Variants in SFXN1 observed in about 807,000 individuals in gnomAD.
SFXN1 encodes sideroflexin 1.
Under a neutral mutation model 39.5 loss-of-function variants are expected in SFXN1, and 32 were observed. The ratio of observed to expected loss-of-function variants is 0.81; its 90% CI spans 0.61 to 1.09. The LOEUF (loss-of-function observed/expected upper bound fraction) is 1.09, where lower values mean the gene tolerates loss of function less well. SFXN1 is among the 50% of genes least tolerant of loss of function. The pLI is 0.00. For synonymous variants in SFXN1, 136 were observed against 146.5 expected (o/e 0.93, Z 0.52); for missense variants, 402 against 407.1 (o/e 0.99, Z 0.11).
At position 175,492,276 on chromosome 5, in the gene SFXN1, A is replaced by C. The variant is rs1236199151; in HGVS notation, c.164+9A>C. ...ATAGTACATGATTACAGGTAACATTAATTATTGTTTTTTGGTTTAATGTAT... is the reference window on the plus strand; with the variant it reads ...ATAGTACATGATTACAGGTAACATTCATTATTGTTTTTTGGTTTAATGTAT... On this transcript the variant is annotated intron_variant, in intron 2 of 10. Coordinates refer to ENST00000321442, the MANE Select transcript of SFXN1 (RefSeq NM_022754.7). 6.3e-7 allele frequency: 1 copy of C among 1,599,222 alleles called. No individual in the cohort carries two copies. Among genetic ancestry groups the C allele is most frequent in the South Asian group, 1.1e-5 (1 of 89,194 alleles).
chr5:175,493,895 T>C (rs374716957), intron 2 of SFXN1, among the ~76,000 whole-genome samples: 5 of 152,338 alleles, frequency 3.3e-5, no homozygotes, highest in South Asian at 4.1e-4. Context: ...ATATTCTTGT[T>C]TGTTTTTACA....
intron 2 of SFXN1, among the ~76,000 whole-genome samples, chr5:175,507,479 A>G (rs6882734): frequency 0.14 from 21,337 of 152,204 alleles, 1,614 homozygotes; most frequent in African/African-American, 0.19. Flanking sequence ...CTTTAAGTAA[A>G]CACATCACAT....
intron 8 of SFXN1, among the ~76,000 whole-genome samples, chr5:175,519,794 T>C (rs1271591098): frequency 1.3e-5 from 2 of 151,772 alleles, no homozygotes; most frequent in African/African-American, 4.8e-5. Flanking sequence ...GGCAGTTGTA[T>C]GTCAATAAAG....
At chr5:175,521,234 C>T (rs1468841476) in intron 8 of SFXN1, among the ~76,000 whole-genome samples, 1 of 128,950 alleles carries the variant, frequency 7.8e-6, no homozygotes, top group Non-Finnish European at 1.6e-5. Flanking sequence ...AGAAGACCAA[C>T]CAACTTGTTC....
At chr5:175,511,070 T>C (rs1313657550) in intron 4 of SFXN1, among the ~76,000 whole-genome samples, 1 of 152,220 alleles carries the variant, frequency 6.6e-6, no homozygotes, top group Non-Finnish European at 1.5e-5. Flanking sequence ...TTGAGAAATA[T>C]TTTTAAGCAA....
chr5:175,493,785 A>G (rs1472644252), intron 2 of SFXN1, among the ~76,000 whole-genome samples: 1 of 152,252 alleles, frequency 6.6e-6, no homozygotes, highest in Non-Finnish European at 1.5e-5. Context: ...AATGAACCTG[A>G]GAAGCTTGCC....
At chr5:175,496,280 AG>A (rs1380504761) in intron 2 of SFXN1, among the ~76,000 whole-genome samples, 1 of 151,868 alleles carries the variant, frequency 6.6e-6, no homozygotes, top group Non-Finnish European at 1.5e-5. Flanking sequence ...AGGCTGAGGC[AG>A]GAGAATCACT....
chr5:175,509,282 T>C, intron 3 of SFXN1, 80 bp downstream of exon 3: 1 of 1,402,352 alleles, frequency 7.1e-7, no homozygotes. Flanking sequence ...ATAATTTTGT[T>C]GAAATAAGTA....
At chr5:175,525,602 A>G (rs1761035409) in intron 10 of SFXN1, among the ~76,000 whole-genome samples, 1 of 152,006 alleles carries the variant, frequency 6.6e-6, no homozygotes, top group Admixed American at 6.6e-5. Flanking sequence ...TGTCAACTAT[A>G]TTAATCAATT....
intron 1 of SFXN1, among the ~76,000 whole-genome samples, chr5:175,481,355 T>A (rs985789068): frequency 6.6e-6 from 1 of 152,234 alleles, no homozygotes; most frequent in African/African-American, 2.4e-5. Context: ...GGAGTCTCGC[T>A]CTGTTGCCCA....
At chr5:175,522,346 G>T (rs1198142033) in intron 9 of SFXN1, 29 bp from the exon 10 acceptor site, 1 of 1,571,064 alleles carries the variant, frequency 6.4e-7, no homozygotes, top group Non-Finnish European at 8.6e-7. Flanking sequence ...ATTTAAAATG[G>T]TCTGACTTTT....
intron 1 of SFXN1, among the ~76,000 whole-genome samples, chr5:175,489,413 A>T (rs1010346254): frequency 2.6e-5 from 4 of 152,214 alleles, no homozygotes; most frequent in African/African-American, 2.4e-5. Flanking sequence ...CACGCCCTGC[A>T]GGTAGCTAAT....
chr5:175,513,781 G>T lies in SFXN1; in HGVS notation c.724+191G>T, dbSNP rs891933522. The T allele has an allele frequency of 7.6e-5, 42 of 555,232 alleles. 1 individual carries two copies. Among genetic ancestry groups the T allele is most frequent in the South Asian group, 5.4e-4 (27 of 49,930 alleles). The allele number at this position is 555,232 out of a possible 1,614,324, so 34.4% of individuals were successfully genotyped here. ...GTGATGAGGGCAAGGGGGCAATGGGGCTAGGGCGTGTGGGTAGGGCAGCCG... is the reference window on the plus strand; with the variant it reads ...GTGATGAGGGCAAGGGGGCAATGGGTCTAGGGCGTGTGGGTAGGGCAGCCG... On this transcript the variant is annotated intron_variant, in intron 7 of 10. Coordinates refer to ENST00000321442, the MANE Select transcript of SFXN1 (RefSeq NM_022754.7).
chr5:175,507,337 A>G (rs1321842792), intron 2 of SFXN1, among the ~76,000 whole-genome samples: 1 of 152,174 alleles, frequency 6.6e-6, no homozygotes, highest in Non-Finnish European at 1.5e-5. Context: ...CAGGTGAGAC[A>G]TGAATTTTGG....
Position 175,527,532 on chromosome 5 carries a change from T to C in SFXN1, c.*798T>C, listed in dbSNP as rs531122427. On this transcript the variant is annotated 3_prime_UTR_variant, in exon 11 of 11. Transcript: ENST00000321442. Reference sequence around the variant, plus strand: ...GTACAAATGTCAAATTTTGGAAGTATATTCAATACCAATGCTGTATGAGTG... The same window carrying C: ...GTACAAATGTCAAATTTTGGAAGTACATTCAATACCAATGCTGTATGAGTG... 5.3e-5 allele frequency: 8 copies of C among 152,344 alleles called. No individual in the cohort carries two copies. In the South Asian group the frequency reaches 1.7e-3, roughly 32 times the overall value. 9.4% of individuals were successfully genotyped at this position (152,344 alleles called of 1,614,324 possible).
chr5:175,494,016 A>G (rs1759762513), intron 2 of SFXN1, among the ~76,000 whole-genome samples: 1 of 152,236 alleles, frequency 6.6e-6, no homozygotes, highest in South Asian at 2.1e-4. Context: ...AGGGTACGAA[A>G]AAGACTCTGT....
Position 175,512,122 on chromosome 5 carries a change from A to G in SFXN1, c.522A>G (p.Pro174=). 6.2e-7 allele frequency: 1 copy of G among 1,614,118 alleles called. No individual in the cohort carries two copies. Among genetic ancestry groups the G allele is most frequent in the Non-Finnish European group, 8.5e-7 (1 of 1,180,008 alleles). Residue 174 remains proline, a synonymous_variant, in exon 6 of 11, where the codon CCA becomes CCG. Transcript: ENST00000321442. ...GLNALTKHVS[P]LIGRFVPFAA... ...TTTCTCCTCTGCAGCATGTCTCACC[A>G]CTGATAGGACGTTTTGTTCCCTTTG...
At chr5:175,484,696 G>C (rs940154727) in intron 1 of SFXN1, among the ~76,000 whole-genome samples, 2 of 152,246 alleles carry the variant, frequency 1.3e-5, no homozygotes, top group Admixed American at 6.5e-5. Context: ...GGCCCCGTGC[G>C]TAAGGAGCGC....
At chr5:175,492,321 G>T in intron 2 of SFXN1, 54 bp downstream of exon 2, 1 of 1,416,066 alleles carries the variant, frequency 7.1e-7, no homozygotes, top group South Asian at 1.5e-5. Flanking sequence ...ATCATGTTAG[G>T]CTGCTATCTT....
Sources: gnomAD v4.1 joint callset for allele counts (sites outside exome capture counted in the v4.1 genomes callset) on GRCh38, gnomAD v4.1.1 for gene constraint, MANE v1.5 for transcripts, NCBI Gene and HGNC (gene_info 2026-07-23, HGNC 2026-07-21) for gene names.